The following IQCK variants were observed in gnomAD, a reference collection of about 807,000 sequenced individuals.
IQCK encodes IQ domain-containing protein K.
In IQCK, 29 loss-of-function variants were observed where a neutral mutation model predicts 28.1. The ratio of observed to expected loss-of-function variants is 1.03; its 90% CI spans 0.77 to 1.41. The LOEUF (loss-of-function observed/expected upper bound fraction) is 1.41, where lower values mean the gene tolerates loss of function less well. Among genes scored for constraint, IQCK ranks in the 40% most tolerant of loss-of-function variants. IQCK has a pLI of 0.00. For missense variants in IQCK, 359 were observed against 314.7 expected, an observed-to-expected ratio of 1.14 and a Z score of -1.07; for synonymous variants, 113 against 115.1, an observed-to-expected ratio of 0.98 and a Z score of 0.12.
intron 3 of IQCK, among the ~76,000 whole-genome samples, chr16:19,734,875 C>T (rs560819919): frequency 3.4e-4 from 51 of 152,124 alleles, no homozygotes; most frequent in African/African-American, 1.2e-3. Context: ...AGATCTGAGT[C>T]GTAGTTCCTT....
chr16:19,743,489 G>T (rs987642283), intron 4 of IQCK, among the ~76,000 whole-genome samples: 15 of 152,336 alleles, frequency 9.8e-5, no homozygotes, highest in African/African-American at 3.4e-4. Context: ...AAGAATAGTA[G>T]TTGTCAGCAC....
intron 2 of IQCK, among the ~76,000 whole-genome samples, chr16:19,731,529 C>T (rs1567534306): frequency 6.6e-6 from 1 of 152,216 alleles, no homozygotes; most frequent in East Asian, 1.9e-4. Context: ...ATACAAATCA[C>T]AGTTCTCTTC....
At chr16:19,749,261 A>G (rs1183870516) in intron 4 of IQCK, among the ~76,000 whole-genome samples, 1 of 152,230 alleles carries the variant, frequency 6.6e-6, no homozygotes, top group East Asian at 1.9e-4. Context: ...ATGATACCAT[A>G]GGAAAGATCA....
At chr16:19,827,265 G>A (rs187706084), downstream of IQCK, 208 of 647,296 alleles carry the variant, frequency 3.2e-4, no homozygotes, top group African/African-American at 3.6e-3. Context: ...TGTGCATGGG[G>A]GAAGTGGCTG....
In IQCK at chr16:19,728,305, A is replaced by G. The variant is rs147494030; in HGVS notation, c.182-2125A>G. ...ACTCTGTCACCCAGGCTGGAGTGCA[A>G]TGGTGAGATCTTGGTTCACTGCAAC... On this transcript the variant is annotated intron_variant, in intron 1 of 7. Coordinates refer to ENST00000564186, the Ensembl canonical transcript of IQCK. Among the ~76,000 whole-genome samples, 66 of 152,190 alleles carry G rather than the reference A, an allele frequency of 4.3e-4. 1 individual carries two copies. Among genetic ancestry groups the G allele is most frequent in the East Asian group, 3.3e-3 (17 of 5,182 alleles).
chr16:19,849,490 G>T (rs770940069), intron 9 of IQCK, among the ~76,000 whole-genome samples: 6 of 151,574 alleles, frequency 4.0e-5, no homozygotes, highest in Non-Finnish European at 7.4e-5. Context: ...GGCTGGGTGC[G>T]GTGGCTCATA....
At chr16:19,811,763 G>A (rs1437611798) in intron 7 of IQCK, among the ~76,000 whole-genome samples, 1 of 152,132 alleles carries the variant, frequency 6.6e-6, no homozygotes, top group East Asian at 1.9e-4. Context: ...GCTAAGTCTT[G>A]TAACATTAAG....
intron 4 of IQCK, among the ~76,000 whole-genome samples, chr16:19,739,216 G>A (rs1165771051): frequency 1.3e-5 from 2 of 152,136 alleles, no homozygotes; most frequent in African/African-American, 2.4e-5. Context: ...TCCTCATATT[G>A]CTTTGTCAGA....
intron 9 of IQCK, among the ~76,000 whole-genome samples, chr16:19,840,605 G>C (rs1437288604): frequency 6.6e-6 from 1 of 152,132 alleles, no homozygotes; most frequent in Non-Finnish European, 1.5e-5. Flanking sequence ...ATTTTCCCAA[G>C]CACTTTACTA....
chr16:19,740,520 G>C (rs537971295), intron 4 of IQCK, among the ~76,000 whole-genome samples: 1 of 152,228 alleles, frequency 6.6e-6, no homozygotes, highest in African/African-American at 2.4e-5. Flanking sequence ...AGCACCTCAC[G>C]AGTCACATTT....
At chr16:19,725,075 G>C (rs1977613203) in intron 1 of IQCK, among the ~76,000 whole-genome samples, 1 of 151,864 alleles carries the variant, frequency 6.6e-6, no homozygotes, top group Non-Finnish European at 1.5e-5. Flanking sequence ...ACTTTCACTT[G>C]TTCATAATGT....
chr16:19,818,045 G>A (rs930809817), intron 7 of IQCK, among the ~76,000 whole-genome samples: 4 of 148,196 alleles, frequency 2.7e-5, no homozygotes, highest in African/African-American at 8.0e-5. Flanking sequence ...CTTAGATCCC[G>A]ATAAACACGA....
In IQCK at chr16:19,816,573, C is replaced by T. The variant is rs112359524; in HGVS notation, c.691-10453C>T. On this transcript the variant is annotated intron_variant, in intron 7 of 7. Coordinates refer to ENST00000564186, the Ensembl canonical transcript of IQCK. The stretch of plus-strand genomic sequence containing the variant: ...CTGGGATTACTCAGGCGTGAGCCAC[C>T]GCGCCTGGCCAACACTTCTTTCTGC... Among the ~76,000 whole-genome samples, 53 of 152,314 alleles carry T rather than the reference C, an allele frequency of 3.5e-4. 2 individuals carry two copies. The highest frequency in any genetic ancestry group is 1.3e-3 in the African/African-American group (52 of 41,574).
chr16:19,764,564 C>T (rs929997054), intron 6 of IQCK, among the ~76,000 whole-genome samples: 1 of 152,068 alleles, frequency 6.6e-6, no homozygotes, highest in African/African-American at 2.4e-5. Flanking sequence ...ATATGGGTGT[C>T]CTCCCCACAT....
intron 4 of IQCK, among the ~76,000 whole-genome samples, chr16:19,739,690 C>T (rs1464447550): frequency 6.6e-6 from 1 of 152,184 alleles, no homozygotes; most frequent in Non-Finnish European, 1.5e-5. Flanking sequence ...TGGCACATGC[C>T]TGTGGTTCCA....
chr16:19,747,068 A>G (rs2054922065), intron 4 of IQCK, among the ~76,000 whole-genome samples: 1 of 152,230 alleles, frequency 6.6e-6, no homozygotes, highest in Non-Finnish European at 1.5e-5. Flanking sequence ...CATTGAGCTC[A>G]GGAGTTCAAG....
chr16:19,857,708 T>C (rs2141133659), exon 10 of IQCK: 1 of 178,066 alleles, frequency 5.6e-6, no homozygotes, highest in African/African-American at 2.5e-5. Flanking sequence ...ACCACCCGAG[T>C]TCACCCTTGT....
chr16:19,742,371 C>A (rs983165813), intron 4 of IQCK, among the ~76,000 whole-genome samples: 3 of 152,206 alleles, frequency 2.0e-5, no homozygotes, highest in Admixed American at 6.5e-5. Context: ...CGTCCCCGGT[C>A]ATCTAGTCTT....
intron 6 of IQCK, among the ~76,000 whole-genome samples, chr16:19,765,221 CAAAAA>C (rs756571642): frequency 1.6e-5 from 1 of 62,958 alleles, no homozygotes; most frequent in Admixed American, 1.9e-4. Context: ...GACTCCATCT[CAAAAA>C]AAAAAAAAAA....
Sources: gnomAD v4.1 joint callset for allele counts (sites outside exome capture counted in the v4.1 genomes callset) on GRCh38, gnomAD v4.1.1 for gene constraint, MANE v1.5 for transcripts, NCBI Gene and HGNC (gene_info 2026-07-23, HGNC 2026-07-21) for gene names.